The following CEP192 variants were observed in gnomAD, a reference collection of about 807,000 sequenced individuals.
CEP192 encodes centrosomal protein of 192 kDa.
CEP192 carries 151 observed loss-of-function variants against 271.8 expected under a neutral mutation model. The observed-to-expected ratio is 0.56, with a 90% CI of 0.49 to 0.64. CEP192 has a LOEUF of 0.64. Ranked by LOEUF, CEP192 falls within the 30% of genes least tolerant of loss-of-function variation. The pLI, the probability that CEP192 is intolerant of heterozygous loss-of-function variation, is 0.00. For synonymous variants in CEP192, 995 were observed against 1,076.5 expected (o/e 0.92, Z 1.48); for missense variants, 2,910 against 3,020.5 (o/e 0.96, Z 0.86).
rs1470360183 is a variant in CEP192 at position 13,029,716 on chromosome 18, A to T, written c.1104A>T (p.Lys368Asn). 1 of 1,551,342 alleles carries T rather than the reference A, an allele frequency of 6.4e-7. No individual in the cohort carries two copies. The highest frequency in any genetic ancestry group is 8.7e-7 in the Non-Finnish European group (1 of 1,146,824). Residue 368 changes from lysine (K) to asparagine (N), a missense_variant, in exon 10 of 45, where the codon AAA (lysine) becomes AAT (asparagine). By Grantham distance (94) the Lys-to-Asn change is moderately conservative. Coordinates refer to ENST00000506447, the MANE Select transcript of CEP192 (RefSeq NM_032142.4). The part of the protein sequence containing the change: ...LVKTLRAIDV[K>N]LNSDNFHDAN... Reference sequence around the variant, plus strand: ...AGACCCTCAGGGCTATTGATGTGAAACTTAACTCTGATAATTTTCATGATG... The same window carrying T: ...AGACCCTCAGGGCTATTGATGTGAATCTTAACTCTGATAATTTTCATGATG...
chr18:13,009,817 T>C (rs148533917), intron 4 of CEP192, among the ~76,000 whole-genome samples: 24 of 150,250 alleles, frequency 1.6e-4, no homozygotes, highest in South Asian at 1.5e-3. Context: ...TGGGTGACAG[T>C]GTAAGCCTTC....
intron 9 of CEP192, among the ~76,000 whole-genome samples, chr18:13,022,632 C>G (rs1216204681): frequency 6.6e-6 from 1 of 152,212 alleles, no homozygotes; most frequent in Non-Finnish European, 1.5e-5. Flanking sequence ...CCACCCGCCT[C>G]TGCCTCCCAA....
At chr18:13,080,357 CT>C (rs1306236131) in intron 30 of CEP192, among the ~76,000 whole-genome samples, 3 of 152,138 alleles carry the variant, frequency 2.0e-5, no homozygotes, top group Admixed American at 6.5e-5. Context: ...CTTCACATCC[CT>C]TGTAAGTTGG....
intron 30 of CEP192, among the ~76,000 whole-genome samples, chr18:13,073,533 C>G (rs9966473): frequency 0.036 from 5,445 of 152,284 alleles, 308 homozygotes; most frequent in African/African-American, 0.12. Context: ...TCTCAATTAT[C>G]AGCAAAAATA....
At chr18:13,077,362 T>G (rs2038347149) in intron 30 of CEP192, among the ~76,000 whole-genome samples, 1 of 152,154 alleles carries the variant, frequency 6.6e-6, no homozygotes, top group Non-Finnish European at 1.5e-5. Context: ...GATTTTGGAT[T>G]TTTGAATTAG....
intron 1 of CEP192, among the ~76,000 whole-genome samples, chr18:12,998,393 G>C (rs576908013): frequency 6.6e-6 from 1 of 152,344 alleles, no homozygotes; most frequent in East Asian, 1.9e-4. Context: ...AGCACTTAGA[G>C]TGGATTTTCG....
At chr18:13,009,402 T>G (rs2034196311) in intron 4 of CEP192, among the ~76,000 whole-genome samples, 1 of 152,238 alleles carries the variant, frequency 6.6e-6, no homozygotes, top group Non-Finnish European at 1.5e-5. Flanking sequence ...TTAATTTATA[T>G]TCTTATCGAG....
intron 17 of CEP192, among the ~76,000 whole-genome samples, chr18:13,050,148 T>C (rs1456869106): frequency 1.3e-5 from 2 of 152,218 alleles, no homozygotes; most frequent in Non-Finnish European, 2.9e-5. Context: ...TCTGTCATGG[T>C]TCACTTGATA....
intron 27 of CEP192, 63 bp from the exon 28 acceptor site, chr18:13,070,976 T>G: frequency 7.4e-7 from 1 of 1,356,410 alleles, no homozygotes; most frequent in Non-Finnish European, 1.0e-6. Flanking sequence ...TGGAAACATA[T>G]AGGAAATAGT....
chr18:13,122,573 T>C (rs1200069818), intron 44 of CEP192, among the ~76,000 whole-genome samples: 1 of 108,952 alleles, frequency 9.2e-6, no homozygotes, highest in Non-Finnish European at 1.8e-5. Context: ...AGAGCGAGAA[T>C]CCGTCTGAAA....
At chr18:13,078,644 T>G (rs1267694335) in intron 30 of CEP192, among the ~76,000 whole-genome samples, 1 of 152,146 alleles carries the variant, frequency 6.6e-6, no homozygotes, top group African/African-American at 2.4e-5. Flanking sequence ...TTGTTGTTGT[T>G]GTTGTTATAC....
intron 14 of CEP192, among the ~76,000 whole-genome samples, chr18:13,041,431 T>C (rs1444006185): frequency 1.3e-5 from 2 of 152,300 alleles, no homozygotes; most frequent in East Asian, 3.9e-4. Context: ...TAAAGTTGTA[T>C]AAGATATGCT....
In CEP192 at chr18:13,067,973, A is replaced by G. The variant is rs374753872; in HGVS notation, c.4614+17A>G. The G allele has an allele frequency of 5.2e-5, 83 of 1,602,772 alleles. No homozygotes were observed. Among genetic ancestry groups the G allele is most frequent in the East Asian group, 1.8e-4 (8 of 44,604 alleles). On this transcript the variant is annotated intron_variant, in intron 22 of 44. Transcript: ENST00000506447. ...ATTAATGCTGTAAGTATGAACATAC[A>G]GTAAGAAACCATTTACAGAATGCAC...
chr18:13,009,388 CTAAT>C (rs2034195703), intron 4 of CEP192, among the ~76,000 whole-genome samples: 2 of 152,166 alleles, frequency 1.3e-5, no homozygotes, highest in Admixed American at 1.3e-4. Flanking sequence ...TTTTCTCCCA[CTAAT>C]TAATTTATAT....
chr18:13,033,983 C>T (rs567686423), intron 11 of CEP192, among the ~76,000 whole-genome samples: 1 of 152,208 alleles, frequency 6.6e-6, no homozygotes, highest in East Asian at 1.9e-4. Flanking sequence ...CTGTTGGTTG[C>T]TTCTGGGGGT....
intron 44 of CEP192, among the ~76,000 whole-genome samples, chr18:13,122,567 C>T (rs941688991): frequency 1.4e-5 from 2 of 142,054 alleles, no homozygotes; most frequent in African/African-American, 5.5e-5. Flanking sequence ...GGCGACAGAG[C>T]GAGAATCCGT....
In CEP192 at chr18:13,096,106, C is replaced by T; in HGVS notation, c.6434-78C>T. 2.8e-6 allele frequency: 4 copies of T among 1,446,766 alleles called. No homozygotes were observed. The Admixed American group carries it at 7.1e-5, about 26-fold the overall frequency. The allele number at this position is 1,446,766 out of a possible 1,614,324, so 89.6% of individuals were successfully genotyped here. A position where few individuals can be genotyped will look rare whatever the true frequency, so the allele number is the denominator to read the frequency against. ...CATACTTGTATATCTATTTAGGGTT[C>T]TGGTTTATTAGTTGTTAATATTTGT... On this transcript the variant is annotated intron_variant, in intron 35 of 44. Transcript: ENST00000506447.
intron 17 of CEP192, among the ~76,000 whole-genome samples, chr18:13,052,567 T>C (rs978192802): frequency 2.6e-5 from 4 of 152,228 alleles, no homozygotes; most frequent in Non-Finnish European, 4.4e-5. Context: ...TTTGCACTTA[T>C]CTGCATGATT....
intron 21 of CEP192, among the ~76,000 whole-genome samples, chr18:13,067,329 CAT>C (rs2037763854): frequency 6.6e-6 from 1 of 152,110 alleles, no homozygotes; most frequent in African/African-American, 2.4e-5. Flanking sequence ...AACATTTCCA[CAT>C]GTGGGTGTGT....
Sources: gnomAD v4.1 joint callset for allele counts (sites outside exome capture counted in the v4.1 genomes callset) on GRCh38, gnomAD v4.1.1 for gene constraint, MANE v1.5 for transcripts, NCBI Gene and HGNC (gene_info 2026-07-23, HGNC 2026-07-21) for gene names.